TRIM55: variants seen among roughly 807,000 people sequenced by gnomAD.
TRIM55 encodes the protein tripartite motif-containing protein 55.
TRIM55 carries 50 observed loss-of-function variants against 60.9 expected under a neutral mutation model. The ratio of observed to expected loss-of-function variants is 0.82; its 90% confidence interval spans 0.65 to 1.04. The LOEUF is 1.04. Ranked by LOEUF, TRIM55 falls within the 50% of genes least tolerant of loss-of-function variation. The pLI is 0.00. For synonymous variants in TRIM55, 237 were observed against 238.1 expected, an observed-to-expected ratio of 1.00 and a Z score of 0.04; for missense variants, 681 against 666.9, an observed-to-expected ratio of 1.02 and a Z score of -0.23.
the TRIM55 span, among the ~76,000 whole-genome samples, chr8:66,117,592 A>G: frequency 4.6e-5 from 7 of 152,312 alleles, no homozygotes; most frequent in East Asian, 1.3e-3. Context: ...GTGAGGATTA[A>G]TATCTTTATC....
At chr8:66,150,539 A>C in intron 7 of TRIM55, 73 bp downstream of exon 7, 1 of 1,571,172 alleles carries the variant, frequency 6.4e-7, no homozygotes, top group Non-Finnish European at 8.7e-7. Context: ...GGTGGGAGGA[A>C]AGCGGGGATT....
intron 9 of TRIM55, among the ~76,000 whole-genome samples, chr8:66,165,767 G>A (rs1025056576): frequency 9.9e-5 from 15 of 152,104 alleles, no homozygotes; most frequent in African/African-American, 2.9e-4. Context: ...AATATTGTCC[G>A]GGGCCTAATA....
chr8:66,124,370 A>G (rs551028446), upstream of TRIM55, among the ~76,000 whole-genome samples: 1 of 152,314 alleles, frequency 6.6e-6, no homozygotes, highest in Admixed American at 6.5e-5. Flanking sequence ...TTAGCACAGT[A>G]TCCATGGCCA....
At chr8:66,162,691 C>T (rs1811119435) in intron 9 of TRIM55, among the ~76,000 whole-genome samples, 1 of 152,040 alleles carries the variant, frequency 6.6e-6, no homozygotes, top group Non-Finnish European at 1.5e-5. Context: ...CCATTTCAAT[C>T]TCACTGCTTG....
At chr8:66,128,279 C>CTTTTTT in intron 1 of TRIM55, 25 bp from the exon 2 acceptor site, 1 of 1,555,534 alleles carries the variant, frequency 6.4e-7, no homozygotes, top group Admixed American at 2.1e-5. Context: ...TACCCAATTC[C>CTTTTTT]TTTTTTCTTA....
At chr8:66,165,080 C>G in intron 9 of TRIM55, among the ~76,000 whole-genome samples, 1 of 152,102 alleles carries the variant, frequency 6.6e-6, no homozygotes, top group Non-Finnish European at 1.5e-5. Flanking sequence ...ATTTCCCAGT[C>G]TTTCAGAAAC....
intron 9 of TRIM55, among the ~76,000 whole-genome samples, chr8:66,159,088 G>A (rs958088944): frequency 6.6e-6 from 1 of 152,212 alleles, no homozygotes; most frequent in East Asian, 1.9e-4. Flanking sequence ...ACAGTTCAGT[G>A]AGTTTGGACA....
chr8:66,136,654 T>C (rs1366501676), intron 3 of TRIM55, among the ~76,000 whole-genome samples: 1 of 152,242 alleles, frequency 6.6e-6, no homozygotes, highest in Non-Finnish European at 1.5e-5. Flanking sequence ...AATGACTTAG[T>C]CTAATGTGTG....
intron 4 of TRIM55, among the ~76,000 whole-genome samples, chr8:66,143,579 TG>T (rs1225846969): frequency 6.6e-6 from 1 of 151,816 alleles, no homozygotes; most frequent in Non-Finnish European, 1.5e-5. Flanking sequence ...TCTTGGTTTT[TG>T]GGTTTTTTTT....
chr8:66,166,604 G>C (rs1011850451), intron 9 of TRIM55, among the ~76,000 whole-genome samples: 1 of 152,182 alleles, frequency 6.6e-6, no homozygotes, highest in African/African-American at 2.4e-5. Flanking sequence ...TGTGCCCATT[G>C]CTTTATCATC....
At chr8:66,135,244 G>A (rs999909885) in intron 3 of TRIM55, 89 bp downstream of exon 3, 2 of 1,462,630 alleles carry the variant, frequency 1.4e-6, no homozygotes, top group African/African-American at 1.4e-5. Flanking sequence ...GCTCCCTGCG[G>A]TGGAGGAGGA....
chr8:66,150,092 C>A, intron 5 of TRIM55, 125 bp from the exon 6 acceptor site: 4 of 1,167,434 alleles, frequency 3.4e-6, no homozygotes, highest in East Asian at 5.0e-5. Context: ...TATAAGACAG[C>A]AGTTATTTAT....
At chr8:66,166,848 T>C (rs1248022014) in intron 9 of TRIM55, among the ~76,000 whole-genome samples, 1 of 151,992 alleles carries the variant, frequency 6.6e-6, no homozygotes, top group East Asian at 1.9e-4. Context: ...AGTGGATGAA[T>C]CCCCACTTCA....
chr8:66,134,812 G>A (rs1047390382), intron 2 of TRIM55, among the ~76,000 whole-genome samples, 178 bp from the exon 3 acceptor site: 5 of 152,122 alleles, frequency 3.3e-5, no homozygotes, highest in Admixed American at 6.6e-5. Flanking sequence ...ACACCTGCAG[G>A]GAAGCTGAAT....
chr8:66,138,335 T>G (rs1809603925), intron 4 of TRIM55, among the ~76,000 whole-genome samples: 1 of 152,314 alleles, frequency 6.6e-6, no homozygotes, highest in Admixed American at 6.5e-5. Flanking sequence ...TGGTACTATG[T>G]GGTATTTTTC....
At chr8:66,156,269 G>A (rs1279950069) in intron 9 of TRIM55, among the ~76,000 whole-genome samples, 1 of 152,168 alleles carries the variant, frequency 6.6e-6, no homozygotes, top group Non-Finnish European at 1.5e-5. Context: ...CCTGGGAGAG[G>A]AGGTCCCTGA....
At position 66,163,674 on chromosome 8, in the gene TRIM55, A is replaced by T. The variant is rs1028712006; in HGVS notation, c.1524+9340A>T. ...TTCCAATCTTTTTAAGTTTATTAAGATTTGTTTTATGTCTCAGAATGTGAT... is the reference window on the plus strand; with the variant it reads ...TTCCAATCTTTTTAAGTTTATTAAGTTTTGTTTTATGTCTCAGAATGTGAT... On this transcript the variant is annotated intron_variant, in intron 9 of 9. Transcript: ENST00000315962. 1.2e-4 allele frequency among the ~76,000 whole-genome samples: 19 copies of T among 152,260 alleles called. 1 individual carries two copies. Among genetic ancestry groups the T allele is most frequent in the Admixed American group, 4.6e-4 (7 of 15,292 alleles).
intron 9 of TRIM55, 36 bp downstream of exon 9, chr8:66,154,370 C>A (rs192235932): frequency 6.2e-7 from 1 of 1,600,934 alleles, no homozygotes; most frequent in Non-Finnish European, 8.5e-7. Flanking sequence ...TGCTTTCCCG[C>A]GCCCCCTAGG....
the TRIM55 span, among the ~76,000 whole-genome samples, chr8:66,114,163 A>G: frequency 6.8e-6 from 1 of 146,476 alleles, no homozygotes; most frequent in Non-Finnish European, 1.5e-5. Context: ...CTCTAAAGGA[A>G]CAGATAATAA....
Sources: gnomAD v4.1 joint callset for allele counts (sites outside exome capture counted in the v4.1 genomes callset) on GRCh38, gnomAD v4.1.1 for gene constraint, MANE v1.5 for transcripts, NCBI Gene and HGNC (gene_info 2026-07-23, HGNC 2026-07-21) for gene names.